The following CHRNA7 variants were observed in gnomAD, a reference collection of about 807,000 sequenced individuals.
CHRNA7 encodes neuronal acetylcholine receptor subunit alpha-7.
Under a neutral mutation model 48.0 loss-of-function variants are expected in CHRNA7, and 17 were observed. That is an observed-to-expected ratio of 0.35 (90% CI 0.24 to 0.53). CHRNA7 has a LOEUF of 0.53. Among genes scored for constraint, CHRNA7 ranks in the 20% least tolerant of loss-of-function variants. CHRNA7 has a pLI of 0.92. For synonymous variants in CHRNA7, 75 were observed against 242.3 expected (o/e 0.31, Z 6.41); for missense variants, 155 against 577.7 (o/e 0.27, Z 7.50).
At chr15:32,108,050 T>G (rs1194914715) in intron 3 of CHRNA7, among the ~76,000 whole-genome samples, 1 of 152,006 alleles carries the variant, frequency 6.6e-6, no homozygotes, top group Non-Finnish European at 1.5e-5. Flanking sequence ...AAAGATAACT[T>G]TCCTTTTTCC....
intron 2 of CHRNA7, among the ~76,000 whole-genome samples, chr15:32,032,442 T>C (rs1901888051): frequency 6.6e-6 from 1 of 152,164 alleles, no homozygotes; most frequent in East Asian, 1.9e-4. Context: ...GCTTTCCGGC[T>C]AATAAAATGC....
At chr15:32,074,666 A>ATTATTATTATTATTATTATTATTT (rs991862925) in intron 2 of CHRNA7, among the ~76,000 whole-genome samples, 2 of 107,298 alleles carry the variant, frequency 1.9e-5, no homozygotes, top group African/African-American at 6.3e-5. Context: ...TATTATTATT[A>ATTATTATTATTATTATTATTATTT]TTTTTGAGAC....
At chr15:32,048,823 C>G (rs1385552041) in intron 2 of CHRNA7, among the ~76,000 whole-genome samples, 2 of 151,784 alleles carry the variant, frequency 1.3e-5, no homozygotes, top group Non-Finnish European at 2.9e-5. Flanking sequence ...ATAAATTTCC[C>G]TGTAGACACT....
At chr15:32,041,647 C>G (rs1185234950) in intron 2 of CHRNA7, among the ~76,000 whole-genome samples, 5 of 152,216 alleles carry the variant, frequency 3.3e-5, no homozygotes. Context: ...ATATGTTACA[C>G]CATTTGTAAT....
chr15:32,045,731 A>C (rs193259004), intron 2 of CHRNA7, among the ~76,000 whole-genome samples: 1 of 151,246 alleles, frequency 6.6e-6, no homozygotes, highest in East Asian at 1.9e-4. Flanking sequence ...GGTTTGTTAC[A>C]TATGTATACA....
At chr15:32,046,075 A>G (rs1175772675) in intron 2 of CHRNA7, among the ~76,000 whole-genome samples, 1 of 151,768 alleles carries the variant, frequency 6.6e-6, no homozygotes, top group Non-Finnish European at 1.5e-5. Flanking sequence ...TCATTGTTGG[A>G]CATTTGGCTT....
intron 4 of CHRNA7, among the ~76,000 whole-genome samples, chr15:32,139,080 T>C (rs921988933): frequency 2.0e-5 from 3 of 152,166 alleles, no homozygotes; most frequent in Non-Finnish European, 4.4e-5. Flanking sequence ...CTCCATTGCT[T>C]TACTTTTCCT....
intron 4 of CHRNA7, among the ~76,000 whole-genome samples, chr15:32,119,269 T>A (rs1404521623): frequency 6.6e-6 from 1 of 152,274 alleles, no homozygotes; most frequent in East Asian, 1.9e-4. Flanking sequence ...TGTCTGCTTT[T>A]AGGATGCTCT....
chr15:32,109,051 G>A (rs1168448567), intron 3 of CHRNA7, among the ~76,000 whole-genome samples: 3 of 152,158 alleles, frequency 2.0e-5, no homozygotes, highest in Admixed American at 6.5e-5. Context: ...TGGATCTAGT[G>A]TGAGAAAGAA....
At chr15:32,052,396 G>C (rs2049705053) in intron 2 of CHRNA7, among the ~76,000 whole-genome samples, 1 of 152,160 alleles carries the variant, frequency 6.6e-6, no homozygotes, top group Non-Finnish European at 1.5e-5. Context: ...CAGTGACTGG[G>C]AAGACAGTGG....
chr15:32,131,830 T>G (rs558396203), intron 4 of CHRNA7, among the ~76,000 whole-genome samples: 6 of 152,146 alleles, frequency 3.9e-5, no homozygotes, highest in Non-Finnish European at 7.4e-5. Flanking sequence ...CCTCTGACAC[T>G]GTGCTAGCAG....
At chr15:32,061,742 A>C (rs1398406671) in intron 2 of CHRNA7, among the ~76,000 whole-genome samples, 2 of 152,166 alleles carry the variant, frequency 1.3e-5, no homozygotes, top group Admixed American at 6.5e-5. Flanking sequence ...CGGGAGGCGG[A>C]GGTTGCAGTG....
At chr15:32,150,555 T>C (rs1371017860) in intron 4 of CHRNA7, among the ~76,000 whole-genome samples, 2 of 152,238 alleles carry the variant, frequency 1.3e-5, no homozygotes, top group Admixed American at 6.5e-5. Context: ...AGAGAGGCTT[T>C]AGTTTAACTT....
At chr15:32,133,144 A>G (rs777403218) in intron 4 of CHRNA7, among the ~76,000 whole-genome samples, 8 of 152,204 alleles carry the variant, frequency 5.3e-5, no homozygotes, top group Non-Finnish European at 8.8e-5. Context: ...ATTTCCACCC[A>G]TGATGAATAG....
intron 2 of CHRNA7, among the ~76,000 whole-genome samples, chr15:32,057,901 T>C (rs1415777990): frequency 1.3e-5 from 2 of 152,210 alleles, no homozygotes; most frequent in East Asian, 3.8e-4. Flanking sequence ...AGGATATACA[T>C]GTAAGTCAGG....
chr15:32,170,459 GA>G lies in CHRNA7; in HGVS notation c.*2004del, dbSNP rs2052391774. 6.6e-6 allele frequency: 1 copy of G among 150,840 alleles called. No individual in the cohort carries two copies. Among genetic ancestry groups the G allele is most frequent in the Non-Finnish European group, 1.5e-5 (1 of 67,910 alleles). The allele number at this position is 150,840 out of a possible 1,614,324, so 9.3% of individuals were successfully genotyped here. A position where few individuals can be genotyped will look rare whatever the true frequency, so the allele number is the denominator to read the frequency against. The stretch of plus-strand genomic sequence containing the variant: ...TTTTTTTTCTGTTACAGTGTCTTTA[GA>G]AACAAGTAGAAGTGTTTTGATATAT... On this transcript the variant is annotated 3_prime_UTR_variant, in exon 10 of 10. Transcript: ENST00000306901.
In CHRNA7 at chr15:32,070,669, C is replaced by CTTTTTTTT. The variant is rs71113441; in HGVS notation, c.196-30606_196-30599dup. Among the ~76,000 whole-genome samples, 25 of 40,894 alleles carry CTTTTTTTT rather than the reference C, an allele frequency of 6.1e-4. 3 individuals are homozygous for CTTTTTTTT. The highest frequency in any genetic ancestry group is 1.4e-3 in the African/African-American group (15 of 10,772). The allele number at this position is 40,894 out of a possible 152,430, so 26.8% of individuals were successfully genotyped here. A position where few individuals can be genotyped will look rare whatever the true frequency, so the allele number is the denominator to read the frequency against. ...TGTGTGAACATGTGAGGTTTAGTTC[C>CTTTTTTTT]TTTTTTTTTTTTTTTTTTTTTTTTT... On this transcript the variant is annotated intron_variant, in intron 2 of 9. Coordinates refer to ENST00000306901, the MANE Select transcript of CHRNA7 (RefSeq NM_000746.6).
chr15:32,082,086 T>C (rs2050225273), intron 2 of CHRNA7, among the ~76,000 whole-genome samples: 1 of 152,192 alleles, frequency 6.6e-6, no homozygotes, highest in African/African-American at 2.4e-5. Context: ...TGAATTGTTT[T>C]TGCAGTATAG....
At chr15:32,062,051 A>G (rs936697437) in intron 2 of CHRNA7, among the ~76,000 whole-genome samples, 1 of 152,204 alleles carries the variant, frequency 6.6e-6, no homozygotes, top group African/African-American at 2.4e-5. Context: ...TGTGAGGATT[A>G]TTGTTCTCTG....
Sources: allele counts gnomAD v4.1 joint callset (sites outside exome capture counted in the v4.1 genomes callset), GRCh38; gene constraint gnomAD v4.1.1; transcripts MANE v1.5; gene names NCBI Gene and HGNC (gene_info 2026-07-23, HGNC 2026-07-21).